RNF150: variants seen among roughly 807,000 people sequenced by gnomAD.
The protein encoded by RNF150 is ring finger protein 150.
RNF150 carries 24 observed loss-of-function variants against 39.3 expected under a neutral mutation model. That is an observed-to-expected ratio of 0.61 (90% CI 0.44 to 0.86). The LOEUF (loss-of-function observed/expected upper bound fraction) is 0.86. Ranked by LOEUF, RNF150 falls within the 40% of genes least tolerant of loss-of-function variation. The pLI is 0.00. For missense variants in RNF150, 502 were observed against 587.8 expected, an observed-to-expected ratio of 0.85 and a Z score of 1.51; for synonymous variants, 255 against 227.3, an observed-to-expected ratio of 1.12 and a Z score of -1.10.
chr4:141,192,427 G>A (rs1209332680), intron 1 of RNF150, among the ~76,000 whole-genome samples: 1 of 152,166 alleles, frequency 6.6e-6, no homozygotes, highest in Non-Finnish European at 1.5e-5. Flanking sequence ...AGCCTACTGA[G>A]GTAGACAGAT....
intron 1 of RNF150, among the ~76,000 whole-genome samples, chr4:141,172,980 C>T (rs1578779924): frequency 6.6e-6 from 1 of 151,624 alleles, no homozygotes; most frequent in Non-Finnish European, 1.5e-5. Flanking sequence ...GAGCCAAGAT[C>T]GCGGCATTGC....
intron 1 of RNF150, among the ~76,000 whole-genome samples, chr4:141,084,543 T>A (rs1002931975): frequency 6.6e-6 from 1 of 152,214 alleles, no homozygotes; most frequent in Non-Finnish European, 1.5e-5. Flanking sequence ...AAACACTTTT[T>A]TCCCCCAGCA....
At chr4:141,178,486 A>G (rs147495846) in intron 1 of RNF150, among the ~76,000 whole-genome samples, 5 of 152,222 alleles carry the variant, frequency 3.3e-5, no homozygotes, top group East Asian at 1.9e-4. Context: ...ATTTTTTTCC[A>G]TGTAAGAGGT....
chr4:141,105,425 T>C (rs973508254), intron 1 of RNF150, among the ~76,000 whole-genome samples: 14 of 152,220 alleles, frequency 9.2e-5, no homozygotes, highest in Non-Finnish European at 1.5e-4. Context: ...ACATCTTTAC[T>C]GAAATTCTCT....
At chr4:141,184,036 CTGGGTA>C (rs1314003355) in intron 1 of RNF150, among the ~76,000 whole-genome samples, 3 of 152,128 alleles carry the variant, frequency 2.0e-5, no homozygotes, top group Non-Finnish European at 2.9e-5. Context: ...AATGGGATTG[CTGGGTA>C]AAATGGTATT....
At chr4:140,942,619 G>C (rs1732133479) in intron 4 of RNF150, among the ~76,000 whole-genome samples, 1 of 152,022 alleles carries the variant, frequency 6.6e-6, no homozygotes, top group Non-Finnish European at 1.5e-5. Flanking sequence ...CAAAATGCTT[G>C]GGGATGCTTG....
At chr4:140,933,108 G>T (rs2111338465) in intron 4 of RNF150, among the ~76,000 whole-genome samples, 1 of 152,256 alleles carries the variant, frequency 6.6e-6, no homozygotes, top group East Asian at 1.9e-4. Flanking sequence ...AGGGGATAAT[G>T]GTAATATTAA....
rs1023454531 is a variant in RNF150, at chr4:140,861,331, C to T, written c.*6930G>A. On this transcript the variant is annotated 3_prime_UTR_variant, in exon 7 of 7. Coordinates refer to ENST00000515673, the MANE Select transcript of RNF150 (RefSeq NM_020724.2). ...CAAACAGAGCAACATTATCCTTCAA[C>T]ATTTTGCAGAAGTAAGGGCTGCTGA... The T allele has an allele frequency of 2.0e-5, 3 of 152,206 alleles. No individual in the cohort carries two copies. Among genetic ancestry groups the T allele is most frequent in the African/African-American group, 7.2e-5 (3 of 41,468 alleles). The allele number at this position is 152,206 out of a possible 1,614,324, so 9.4% of individuals were successfully genotyped here. A position where few individuals can be genotyped will look rare whatever the true frequency, so the allele number is the denominator to read the frequency against.
intron 1 of RNF150, among the ~76,000 whole-genome samples, chr4:141,178,510 C>T (rs1727854647): frequency 6.6e-6 from 1 of 152,098 alleles, no homozygotes; most frequent in African/African-American, 2.4e-5. Context: ...TTGAGAAGAA[C>T]AATTTTTGAA....
At chr4:140,973,120 A>G (rs1483475152) in intron 1 of RNF150, among the ~76,000 whole-genome samples, 1 of 152,190 alleles carries the variant, frequency 6.6e-6, no homozygotes, top group African/African-American at 2.4e-5. Flanking sequence ...CCATATTGAC[A>G]AATGCAGACT....
intron 1 of RNF150, among the ~76,000 whole-genome samples, chr4:141,186,595 C>A (rs1728017160): frequency 6.6e-6 from 1 of 151,196 alleles, no homozygotes; most frequent in Admixed American, 6.6e-5. Flanking sequence ...TTAGTAGAGA[C>A]AGGGTTTCAC....
chr4:140,955,895 A>C (rs535279089), intron 2 of RNF150, among the ~76,000 whole-genome samples: 2 of 152,330 alleles, frequency 1.3e-5, no homozygotes, highest in African/African-American at 4.8e-5. Context: ...AAAGAAATCA[A>C]AGGCACATGG....
intron 4 of RNF150, among the ~76,000 whole-genome samples, chr4:140,935,046 A>AAATATATATATATTATATATATATAAT (rs1553993278): frequency 1.1e-4 from 10 of 93,674 alleles, no homozygotes; most frequent in Non-Finnish European, 1.4e-4. Flanking sequence ...TATATATATA[A>AAATATATATATATTATATATATATAAT]ATATATATAT....
intron 1 of RNF150, among the ~76,000 whole-genome samples, chr4:141,081,173 A>G (rs888873088): frequency 2.0e-5 from 3 of 151,700 alleles, no homozygotes; most frequent in African/African-American, 7.3e-5. Flanking sequence ...CATTGGGACA[A>G]TTTTATTTTA....
At chr4:140,980,030 C>CCT (rs1471071032) in intron 1 of RNF150, among the ~76,000 whole-genome samples, 1 of 151,952 alleles carries the variant, frequency 6.6e-6, no homozygotes, top group Non-Finnish European at 1.5e-5. Context: ...CAATGAATCC[C>CCT]CTTAAGGCTA....
chr4:140,863,649 T>C lies in RNF150; in HGVS notation c.*4612A>G, dbSNP rs1282802741. 1 of 152,132 alleles carries C rather than the reference T, an allele frequency of 6.6e-6. No individual in the cohort carries two copies. Among genetic ancestry groups the C allele is most frequent in the African/African-American group, 2.4e-5 (1 of 41,428 alleles). The allele number at this position is 152,132 out of a possible 1,614,324, so 9.4% of individuals were successfully genotyped here. Reference sequence around the variant, plus strand: ...TGGGAAAATAATTTATGTATGGGTATACAAAGTAAGATATAGGCAGTCAGA... The same window carrying C: ...TGGGAAAATAATTTATGTATGGGTACACAAAGTAAGATATAGGCAGTCAGA... On this transcript the variant is annotated 3_prime_UTR_variant, in exon 7 of 7. Coordinates refer to ENST00000515673, the MANE Select transcript of RNF150 (RefSeq NM_020724.2).
intron 1 of RNF150, among the ~76,000 whole-genome samples, chr4:141,114,070 T>C (rs6856565): frequency 0.036 from 5,484 of 152,120 alleles, 357 homozygotes; most frequent in African/African-American, 0.12. Flanking sequence ...AGATCTAACA[T>C]TGACACCCCA....
intron 1 of RNF150, among the ~76,000 whole-genome samples, chr4:141,049,455 T>C (rs1031761615): frequency 1.3e-5 from 2 of 151,914 alleles, no homozygotes; most frequent in East Asian, 1.9e-4. Flanking sequence ...AATAAAAAAA[T>C]CTTAAAAATG....
intron 6 of RNF150, among the ~76,000 whole-genome samples, chr4:140,888,713 T>C (rs1019566305): frequency 1.3e-5 from 2 of 152,236 alleles, no homozygotes; most frequent in African/African-American, 4.8e-5. Context: ...TGTAGCAGTC[T>C]CTTGTGCTTT....
Sources: gnomAD v4.1 joint callset for allele counts (sites outside exome capture counted in the v4.1 genomes callset) on GRCh38, gnomAD v4.1.1 for gene constraint, MANE v1.5 for transcripts, NCBI Gene and HGNC (gene_info 2026-07-23, HGNC 2026-07-21) for gene names.